Variants in ACYP2 observed in about 807,000 individuals in gnomAD.
The protein encoded by ACYP2 is acylphosphatase 2, also known as acylphosphatase-2.
ACYP2 carries 12 observed loss-of-function variants against 11.2 expected under a neutral mutation model. The observed-to-expected ratio is 1.08, with a 90% CI of 0.69 to 1.74. The LOEUF (loss-of-function observed/expected upper bound fraction) is 1.74. Ranked by LOEUF, ACYP2 falls within the 40% of genes most tolerant of loss-of-function variation. The pLI, the probability that ACYP2 is intolerant of heterozygous loss-of-function variation, is 0.00. For missense variants in ACYP2, 134 were observed against 101.9 expected (o/e 1.31, Z -1.35); for synonymous variants, 43 against 32.2 (o/e 1.33, Z -1.13).
chr2:54,303,316 A>T (rs1689799016), intron 6 of ACYP2, among the ~76,000 whole-genome samples: 2 of 152,010 alleles, frequency 1.3e-5, no homozygotes, highest in African/African-American at 4.8e-5. Context: ...ATGCCACTGC[A>T]CTCCAGCCTG....
chr2:54,280,414 G>T (rs1688797593), intron 6 of ACYP2, among the ~76,000 whole-genome samples: 1 of 152,138 alleles, frequency 6.6e-6, no homozygotes, highest in South Asian at 2.1e-4. Flanking sequence ...TACAAGCGGG[G>T]AGGTTCAGTA....
intron 2 of ACYP2, among the ~76,000 whole-genome samples, chr2:54,045,843 G>T (rs1048581116): frequency 6.6e-6 from 1 of 151,144 alleles, no homozygotes; most frequent in Non-Finnish European, 1.5e-5. Context: ...AACACTTTCT[G>T]CTGCTCAGTA....
rs1382956591 is a variant in ACYP2, at chr2:54,099,087, T to A, written c.278-36366T>A. The stretch of plus-strand genomic sequence containing the variant: ...TGTTCCATCAACCAAGAGTTGAGGA[T>A]GTTTGTGCTTGGATGGTTCCCTTCA... On this transcript the variant is annotated intron_variant, in intron 4 of 6. Coordinates refer to ENST00000607452, the MANE Select transcript of ACYP2 (RefSeq NM_001320586.2). Among the ~76,000 whole-genome samples the A allele has an allele frequency of 2.0e-5, 3 of 152,314 alleles. No homozygotes were observed. The East Asian group carries it at 5.8e-4, about 29-fold the overall frequency.
chr2:54,110,531 T>C (rs1231064875), intron 4 of ACYP2, among the ~76,000 whole-genome samples: 3 of 152,342 alleles, frequency 2.0e-5, no homozygotes, highest in South Asian at 2.1e-4. Flanking sequence ...ACAGGACTTT[T>C]ATCTCTGCTT....
chr2:54,137,743 ATG>A (rs1681340933), intron 5 of ACYP2, among the ~76,000 whole-genome samples: 1 of 152,120 alleles, frequency 6.6e-6, no homozygotes, highest in South Asian at 2.1e-4. Flanking sequence ...TAGTGAACAT[ATG>A]TGTGTATGTG....
chr2:54,213,467 T>G (rs2103935035), intron 6 of ACYP2, among the ~76,000 whole-genome samples: 1 of 152,332 alleles, frequency 6.6e-6, no homozygotes, highest in Admixed American at 6.5e-5. Flanking sequence ...GTAATGAGAT[T>G]TCTGGGTCAA....
At chr2:54,255,827 C>T (rs843704) in intron 6 of ACYP2, 432,030 of 1,613,582 alleles carry the variant, frequency 0.27, 59,541 homozygotes, top group South Asian at 0.37. Flanking sequence ...TTGAGGCTGC[C>T]GTCAGTTGTC....
chr2:54,302,051 C>T (rs1689746763), intron 6 of ACYP2, among the ~76,000 whole-genome samples: 1 of 152,202 alleles, frequency 6.6e-6, no homozygotes, highest in South Asian at 2.1e-4. Context: ...ATACTTTTGG[C>T]TGGGGAAGAA....
Position 54,115,688 on chromosome 2 carries a change from T to TCGC in ACYP2, c.278-19757_278-19755dup, listed in dbSNP as rs1414089395. ...CCTCTCCGGCTCCTCAACAGAGGGC[T>TCGC]CGCCGCCGCCATGTCTACCGCCCAG... On this transcript the variant is annotated intron_variant, in intron 4 of 6. Coordinates refer to ENST00000607452, the MANE Select transcript of ACYP2 (RefSeq NM_001320586.2). The TCGC allele has an allele frequency of 1.9e-6, 3 of 1,610,102 alleles. No homozygotes were observed. In the African/African-American group the frequency reaches 4.0e-5, roughly 22 times the overall value.
chr2:54,296,368 A>C (rs1452020871), intron 6 of ACYP2, among the ~76,000 whole-genome samples: 1 of 152,212 alleles, frequency 6.6e-6, no homozygotes. Context: ...AATGCTGTGG[A>C]AACTCTGAGG....
chr2:54,108,365 T>G (rs959538322), intron 4 of ACYP2, among the ~76,000 whole-genome samples: 1 of 152,156 alleles, frequency 6.6e-6, no homozygotes, highest in African/African-American at 2.4e-5. Context: ...AAGGACATCA[T>G]GAAGTAGATG....
chr2:54,145,903 T>C (rs1383581048), intron 6 of ACYP2, among the ~76,000 whole-genome samples: 1 of 152,144 alleles, frequency 6.6e-6, no homozygotes, highest in Non-Finnish European at 1.5e-5. Context: ...CCAGTCTGGG[T>C]CTGGGTTTGC....
chr2:54,167,491 TGTA>T (rs1558582965), intron 6 of ACYP2, among the ~76,000 whole-genome samples: 1 of 152,226 alleles, frequency 6.6e-6, no homozygotes, highest in Non-Finnish European at 1.5e-5. Context: ...ATTTCACAGT[TGTA>T]GTATTTTTCT....
chr2:54,171,873 G>T (rs1447563557), intron 6 of ACYP2, among the ~76,000 whole-genome samples: 1 of 151,930 alleles, frequency 6.6e-6, no homozygotes, highest in East Asian at 1.9e-4. Context: ...TCTTTAAAAA[G>T]GTGCCGTTTT....
chr2:54,000,429 T>C (rs994623193), intron 2 of ACYP2, among the ~76,000 whole-genome samples: 1 of 152,180 alleles, frequency 6.6e-6, no homozygotes, highest in African/African-American at 2.4e-5. Flanking sequence ...ATAAACTTAA[T>C]TACAAGACGT....
intron 6 of ACYP2, among the ~76,000 whole-genome samples, chr2:54,158,276 G>A (rs572879972): frequency 1.1e-3 from 159 of 150,664 alleles, no homozygotes; most frequent in African/African-American, 3.6e-3. Context: ...TCCTGACCTC[G>A]GGTGATCCAC....
chr2:54,297,990 C>T (rs941865703), intron 6 of ACYP2, among the ~76,000 whole-genome samples: 10 of 152,062 alleles, frequency 6.6e-5, no homozygotes, highest in Non-Finnish European at 7.4e-5. Flanking sequence ...GACACAAACA[C>T]GGACATTTAA....
intron 6 of ACYP2, among the ~76,000 whole-genome samples, chr2:54,290,781 T>C (rs1689272417): frequency 6.6e-6 from 1 of 152,130 alleles, no homozygotes; most frequent in Non-Finnish European, 1.5e-5. Context: ...CATTTTTCAT[T>C]TGGCTTCATG....
intron 4 of ACYP2, among the ~76,000 whole-genome samples, chr2:54,133,527 C>G (rs2103771478): frequency 6.6e-6 from 1 of 152,244 alleles, no homozygotes; most frequent in South Asian, 2.1e-4. Context: ...TACTAATAAG[C>G]TCTGAATTTC....
Sources: allele counts gnomAD v4.1 joint callset (sites outside exome capture counted in the v4.1 genomes callset), GRCh38; gene constraint gnomAD v4.1.1; transcripts MANE v1.5; gene names NCBI Gene and HGNC (gene_info 2026-07-23, HGNC 2026-07-21).